Variants in DTWD2 observed in about 807,000 individuals in gnomAD.
DTWD2 encodes DTW motif tRNA-uridine aminocarboxypropyltransferase 2, also known as tRNA-uridine aminocarboxypropyltransferase 2.
A neutral mutation model predicts 31.8 loss-of-function variants in DTWD2; 39 were observed. The observed-to-expected ratio is 1.22, with a 90% CI of 0.95 to 1.60. The LOEUF is 1.60. DTWD2 is among the 40% of genes most tolerant of loss of function. The probability of loss-of-function intolerance (pLI) is 0.00; values close to 1 mark genes in which losing one functional copy is unlikely to be tolerated. For missense variants in DTWD2, 515 were observed against 381.5 expected (o/e 1.35, Z -2.92); for synonymous variants, 180 against 142.8 (o/e 1.26, Z -1.86).
chr5:118,872,932 C>T (rs73792419), intron 4 of DTWD2, among the ~76,000 whole-genome samples: 39,439 of 151,890 alleles, frequency 0.26, 9,320 homozygotes, highest in African/African-American at 0.64. Context: ...GGGATGGCGC[C>T]GAGAGTGAAT....
intron 4 of DTWD2, among the ~76,000 whole-genome samples, chr5:118,904,250 C>A (rs1753277314): frequency 6.6e-6 from 1 of 152,002 alleles, no homozygotes; most frequent in South Asian, 2.1e-4. Flanking sequence ...TTCCAGAAAT[C>A]TAATAAAAAC....
In DTWD2 at chr5:118,923,653, T is replaced by C. The variant is rs572907574; in HGVS notation, c.597+4884A>G. ...CTCTTGGATCTCTTCCAAGTAAGCT[T>C]TCCTTTCTTTCCTGTTCTAAAGCCT... On this transcript the variant is annotated intron_variant, in intron 4 of 5. Transcript: ENST00000510708. Among the ~76,000 whole-genome samples, 3 of 152,298 alleles carry C rather than the reference T, an allele frequency of 2.0e-5. No individual in the cohort carries two copies. The East Asian group carries it at 5.8e-4, about 29-fold the overall frequency.
At chr5:118,972,659 A>G (rs1755014428) in intron 1 of DTWD2, among the ~76,000 whole-genome samples, 1 of 152,232 alleles carries the variant, frequency 6.6e-6, no homozygotes, top group Non-Finnish European at 1.5e-5. Flanking sequence ...AAAACCTGGT[A>G]GAGATACAAA....
chr5:118,945,379 A>T (rs991077449), intron 1 of DTWD2, among the ~76,000 whole-genome samples: 1 of 152,146 alleles, frequency 6.6e-6, no homozygotes, highest in African/African-American at 2.4e-5. Flanking sequence ...GGGGCAACCA[A>T]TGACTGGTTT....
At chr5:118,958,197 G>C (rs1250388838) in intron 1 of DTWD2, among the ~76,000 whole-genome samples, 7 of 152,098 alleles carry the variant, frequency 4.6e-5, no homozygotes, top group African/African-American at 7.2e-5. Context: ...GCTCACACCT[G>C]TAGTCCCAGC....
chr5:118,901,608 T>C (rs1267720699), intron 4 of DTWD2, among the ~76,000 whole-genome samples: 1 of 152,152 alleles, frequency 6.6e-6, no homozygotes, highest in East Asian at 1.9e-4. Context: ...AAGAAAATCT[T>C]GTATCCAGCT....
chr5:118,886,344 A>G (rs1174634011), intron 4 of DTWD2, among the ~76,000 whole-genome samples: 2 of 152,258 alleles, frequency 1.3e-5, no homozygotes, highest in Non-Finnish European at 2.9e-5. Flanking sequence ...AAAGAAATGC[A>G]GGCAACTCAA....
At chr5:118,881,205 A>G (rs1343043831) in intron 4 of DTWD2, among the ~76,000 whole-genome samples, 1 of 152,208 alleles carries the variant, frequency 6.6e-6, no homozygotes. Flanking sequence ...TGTAGGTACC[A>G]TTTTTAAAAT....
At chr5:118,973,684 C>T in intron 1 of DTWD2, 3 of 1,299,728 alleles carry the variant, frequency 2.3e-6, no homozygotes, top group Non-Finnish European at 3.2e-6. Flanking sequence ...CCGCAGCCGC[C>T]TCCGCCACGC....
At chr5:118,943,721 G>A (rs1281703184) in intron 2 of DTWD2, among the ~76,000 whole-genome samples, 1 of 152,194 alleles carries the variant, frequency 6.6e-6, no homozygotes, top group Non-Finnish European at 1.5e-5. Context: ...CTGGGTGACA[G>A]AGGGAGACTC....
At chr5:118,901,664 G>A (rs1753212495) in intron 4 of DTWD2, among the ~76,000 whole-genome samples, 1 of 152,066 alleles carries the variant, frequency 6.6e-6, no homozygotes, top group Non-Finnish European at 1.5e-5. Context: ...AGTTAAATCT[G>A]AGACCTGTCA....
intron 1 of DTWD2, among the ~76,000 whole-genome samples, chr5:118,956,234 TA>T (rs1242364323): frequency 6.6e-6 from 1 of 152,252 alleles, no homozygotes; most frequent in Non-Finnish European, 1.5e-5. Flanking sequence ...TCTATATTTA[TA>T]ATGTATTTAC....
chr5:118,892,755 T>G (rs1753001788), intron 4 of DTWD2, among the ~76,000 whole-genome samples: 1 of 152,060 alleles, frequency 6.6e-6, no homozygotes, highest in Non-Finnish European at 1.5e-5. Flanking sequence ...TACATATGTA[T>G]TTTCCATCTG....
Position 118,948,533 on chromosome 5 carries a change from T to A in DTWD2, c.219-3884A>T, listed in dbSNP as rs1222794725. Among the ~76,000 whole-genome samples the A allele has an allele frequency of 2.7e-5, 4 of 150,712 alleles. No homozygotes were observed. The East Asian group carries it at 7.8e-4, about 29-fold the overall frequency. On this transcript the variant is annotated intron_variant, in intron 1 of 5. Transcript: ENST00000510708. ...GATCAGGGTGGGGAACAGGAAAAAATGAAATATGGGGAAATGGAGTGAATG... is the reference window on the plus strand; with the variant it reads ...GATCAGGGTGGGGAACAGGAAAAAAAGAAATATGGGGAAATGGAGTGAATG...
chr5:118,936,852 A>C (rs1343483644), intron 3 of DTWD2, among the ~76,000 whole-genome samples: 1 of 152,136 alleles, frequency 6.6e-6, no homozygotes, highest in African/African-American at 2.4e-5. Context: ...AAACAGACTA[A>C]GAAAAAAGAA....
At position 118,837,201 on chromosome 5, in the gene DTWD2, G is replaced by A. The variant is rs1211946723; in HGVS notation, c.*3716C>T. On this transcript the variant is annotated 3_prime_UTR_variant, in exon 6 of 6. Coordinates refer to ENST00000510708, the MANE Select transcript of DTWD2 (RefSeq NM_173666.4). ...AGGAAGAAAGTGTGAAGAGAAAAGA[G>A]AGAGAATATGCTTTAAGTTAATGTA... 6.6e-6 allele frequency: 1 copy of A among 152,196 alleles called. No homozygotes were observed. The highest frequency in any genetic ancestry group is 1.5e-5 in the Non-Finnish European group (1 of 68,032). 9.4% of individuals were successfully genotyped at this position (152,196 alleles called of 1,614,324 possible). A position where few individuals can be genotyped will look rare whatever the true frequency, so the allele number is the denominator to read the frequency against.
chr5:118,870,117 T>C (rs1752469988), intron 4 of DTWD2, among the ~76,000 whole-genome samples: 1 of 152,224 alleles, frequency 6.6e-6, no homozygotes, highest in African/African-American at 2.4e-5. Context: ...CTGTGCTTTG[T>C]GTACAGCCTG....
At chr5:118,900,327 C>T (rs1753177218) in intron 4 of DTWD2, among the ~76,000 whole-genome samples, 1 of 151,956 alleles carries the variant, frequency 6.6e-6, no homozygotes, top group African/African-American at 2.4e-5. Context: ...AAACTTTTTC[C>T]CTTAATTACA....
chr5:118,963,212 A>G (rs1317222980), intron 1 of DTWD2, among the ~76,000 whole-genome samples: 2 of 152,276 alleles, frequency 1.3e-5, no homozygotes, highest in Admixed American at 6.5e-5. Context: ...CAAAGTGAGG[A>G]GTTAGAAGAA....
Sources: allele counts gnomAD v4.1 joint callset (sites outside exome capture counted in the v4.1 genomes callset), GRCh38; gene constraint gnomAD v4.1.1; transcripts MANE v1.5; gene names NCBI Gene and HGNC (gene_info 2026-07-23, HGNC 2026-07-21).